NHSL1: variants seen among roughly 807,000 people sequenced by gnomAD.
The protein encoded by NHSL1 is NHS-like protein 1.
NHSL1 carries 48 observed loss-of-function variants against 95.0 expected under a neutral mutation model. The observed-to-expected ratio is 0.51, with a 90% CI of 0.40 to 0.64. The LOEUF (loss-of-function observed/expected upper bound fraction) is 0.64. NHSL1 is among the 30% of genes least tolerant of loss of function. NHSL1 has a pLI of 0.00. For synonymous variants in NHSL1, 783 were observed against 833.9 expected, an observed-to-expected ratio of 0.94 and a Z score of 1.05; for missense variants, 1,971 against 2,077.7, an observed-to-expected ratio of 0.95 and a Z score of 1.00.
exon 1 of NHSL1, chr6:138,571,815 T>C: frequency 6.4e-7 from 1 of 1,552,184 alleles, no homozygotes; most frequent in South Asian, 1.2e-5. Context: ...TTTGTCTGCC[T>C]GGACAAGGAG....
At chr6:138,676,480 A>G (rs1417738874) in intron 1 of NHSL1, among the ~76,000 whole-genome samples, 2 of 152,228 alleles carry the variant, frequency 1.3e-5, no homozygotes, top group Non-Finnish European at 2.9e-5. Context: ...TTTATTATAG[A>G]ACAGGCACTG....
chr6:138,670,539 G>A (rs1406108843), intron 1 of NHSL1, among the ~76,000 whole-genome samples: 11 of 149,212 alleles, frequency 7.4e-5, no homozygotes, highest in Middle Eastern at 3.5e-3. Context: ...AGTGGCGGGC[G>A]CCTGTAGTCC....
At chr6:138,536,602 C>CTTTTTTTT (rs563509738) in intron 1 of NHSL1, among the ~76,000 whole-genome samples, 6 of 80,036 alleles carry the variant, frequency 7.5e-5, no homozygotes, top group Non-Finnish European at 1.2e-4. Flanking sequence ...CATATGTCAT[C>CTTTTTTTT]TTTTTTTTTT....
At chr6:138,513,731 A>G (rs901809978) in intron 1 of NHSL1, among the ~76,000 whole-genome samples, 1 of 152,190 alleles carries the variant, frequency 6.6e-6, no homozygotes, top group African/African-American at 2.4e-5. Context: ...CATTTCTTCA[A>G]GGTCTGAATT....
At position 138,662,036 on chromosome 6, in the gene NHSL1, T is replaced by C. The variant is rs112957489; in HGVS notation, c.96+30440A>G. On this transcript the variant is annotated intron_variant, in intron 1 of 3. Transcript: ENST00000491526. The stretch of plus-strand genomic sequence containing the variant: ...CTGCAGTGAGATATGATTGTACCAC[T>C]GCACTACAGCCTGGACAACAGACGG... 2.4e-3 allele frequency among the ~76,000 whole-genome samples: 362 copies of C among 152,134 alleles called. 5 individuals are homozygous for C. The highest frequency in any genetic ancestry group is 8.1e-3 in the African/African-American group (338 of 41,502).
At chr6:138,617,665 C>A (rs895410115) in intron 1 of NHSL1, among the ~76,000 whole-genome samples, 2 of 152,234 alleles carry the variant, frequency 1.3e-5, no homozygotes, top group East Asian at 3.8e-4. Context: ...CACACATACA[C>A]AAACACAATG....
At chr6:138,557,950 T>A (rs1783255010) in intron 1 of NHSL1, among the ~76,000 whole-genome samples, 1 of 152,226 alleles carries the variant, frequency 6.6e-6, no homozygotes, top group African/African-American at 2.4e-5. Context: ...AAGATGTTCA[T>A]TAAAAAATAT....
chr6:138,603,782 G>C (rs1029499248), intron 1 of NHSL1, among the ~76,000 whole-genome samples: 1 of 152,184 alleles, frequency 6.6e-6, no homozygotes, highest in Non-Finnish European at 1.5e-5. Context: ...TATAGTTGCA[G>C]GGCAATGTAA....
At chr6:138,425,901 T>C in intron 7 of NHSL1, among the ~76,000 whole-genome samples, 1 of 146,254 alleles carries the variant, frequency 6.8e-6, no homozygotes. Flanking sequence ...TCAGCAAACC[T>C]TGCACTGATC....
intron 1 of NHSL1, among the ~76,000 whole-genome samples, chr6:138,674,625 C>T (rs112427569): frequency 1.3e-5 from 2 of 152,080 alleles, no homozygotes; most frequent in Non-Finnish European, 2.9e-5. Flanking sequence ...CCACTTCATC[C>T]GTGTCCCTGC....
At chr6:138,577,577 A>G (rs1261440811) in intron 1 of NHSL1, among the ~76,000 whole-genome samples, 2 of 152,070 alleles carry the variant, frequency 1.3e-5, no homozygotes, top group Admixed American at 6.6e-5. Flanking sequence ...GAAGAGGACT[A>G]CTCTCAATGG....
At chr6:138,560,124 T>TAATTGGATTTTTGTTC (rs1783357351) in intron 1 of NHSL1, among the ~76,000 whole-genome samples, 1 of 152,250 alleles carries the variant, frequency 6.6e-6, no homozygotes, top group Non-Finnish European at 1.5e-5. Context: ...AAGAATTTAC[T>TAATTGGATTTTTGTTC]AATTGGATTT....
rs1173874715 is a variant in NHSL1, at chr6:138,544,992, T to TC, written c.16+630_16+631insG. Among the ~76,000 whole-genome samples, 3 of 129,150 alleles carry TC rather than the reference T, an allele frequency of 2.3e-5. No homozygotes were observed. The South Asian group carries it at 7.2e-4, about 31-fold the overall frequency. 84.7% of individuals were successfully genotyped at this position (129,150 alleles called of 152,430 possible). A position where few individuals can be genotyped will look rare whatever the true frequency, so the allele number is the denominator to read the frequency against. ...GTATGTTCTTTCTTTTCTTTTTTTTTTTTTTTTTTTTTTTTGAGACCGAGT... is the reference window on the plus strand; with the variant it reads ...GTATGTTCTTTCTTTTCTTTTTTTTTCTTTTTTTTTTTTTTTGAGACCGAGT... On this transcript the variant is annotated intron_variant, in intron 1 of 4. Coordinates refer to the NHSL1 transcript ENST00000342260.
intron 1 of NHSL1, among the ~76,000 whole-genome samples, chr6:138,681,575 T>C (rs1310203821): frequency 6.6e-6 from 1 of 152,322 alleles, no homozygotes; most frequent in East Asian, 1.9e-4. Flanking sequence ...AGCAGGCTAG[T>C]GCCCTTGCCT....
At chr6:138,465,054 CAA>C (rs35195031) in intron 3 of NHSL1, among the ~76,000 whole-genome samples, 478 of 100,900 alleles carry the variant, frequency 4.7e-3, no homozygotes, top group African/African-American at 8.9e-3. Flanking sequence ...TGTATGCCTT[CAA>C]AAAAAAAAAA....
At chr6:138,659,076 G>A (rs1459396705) in intron 1 of NHSL1, among the ~76,000 whole-genome samples, 1 of 136,708 alleles carries the variant, frequency 7.3e-6, no homozygotes, top group Non-Finnish European at 1.5e-5. Context: ...TTGAGACAGA[G>A]TCTCGCTCTG....
intron 1 of NHSL1, among the ~76,000 whole-genome samples, chr6:138,624,705 T>C (rs75867917): frequency 0.011 from 1,609 of 152,242 alleles, 30 homozygotes; most frequent in African/African-American, 0.037. Context: ...CCACCTGAAT[T>C]AAATAAAATC....
rs531263603 is a variant in NHSL1, at chr6:138,556,092, T to C, written c.202+15618A>G. ...TTAAAGACTGTGTACATATATTTAC[T>C]AAAATGCTTCAAATGGCACCGAGAG... On this transcript the variant is annotated intron_variant, in intron 1 of 6. Transcript: ENST00000427025. Among the ~76,000 whole-genome samples, 5 of 152,242 alleles carry C rather than the reference T, an allele frequency of 3.3e-5. 1 individual carries two copies. The highest frequency in any genetic ancestry group is 1.2e-4 in the African/African-American group (5 of 41,544).
intron 1 of NHSL1, among the ~76,000 whole-genome samples, chr6:138,613,531 C>T (rs932719299): frequency 1.3e-5 from 2 of 152,044 alleles, no homozygotes; most frequent in South Asian, 2.1e-4. Flanking sequence ...CCTAAGTGTT[C>T]GATTAGAGGA....
Sources: gnomAD v4.1 joint callset for allele counts (sites outside exome capture counted in the v4.1 genomes callset) on GRCh38, gnomAD v4.1.1 for gene constraint, MANE v1.5 for transcripts, NCBI Gene and HGNC (gene_info 2026-07-23, HGNC 2026-07-21) for gene names.